Variants in OFD1 observed in about 807,000 individuals in gnomAD.
The protein encoded by OFD1 is centriole and centriolar satellite protein OFD1.
A neutral mutation model predicts 81.4 loss-of-function variants in OFD1; 12 were observed. That is an observed-to-expected ratio of 0.15 (90% confidence interval 0.09 to 0.24). OFD1 has a LOEUF of 0.24. OFD1 is among the 10% of genes least tolerant of loss of function. OFD1 has a pLI of 1.00. For missense variants in OFD1, 685 were observed against 733.9 expected (o/e 0.93, Z 0.77); for synonymous variants, 256 against 263.7 (o/e 0.97, Z 0.28).
Position 13,756,786 on chromosome X carries a change from T to C in OFD1, c.1411+19T>C. Reference sequence around the variant, plus strand: ...CTAAACCGTATGTATTTTTCTTTTCTTCTGACTTGCGTGTTTTAGTAATTC... The same window carrying C: ...CTAAACCGTATGTATTTTTCTTTTCCTCTGACTTGCGTGTTTTAGTAATTC... On this transcript the variant is annotated intron_variant, in intron 13 of 22. Transcript: ENST00000340096. The C allele has an allele frequency of 8.7e-7, 1 of 1,148,351 alleles. No homozygotes were observed. Among genetic ancestry groups the C allele is most frequent in the Non-Finnish European group, 1.2e-6 (1 of 837,387 alleles). 94.6% of individuals were successfully genotyped at this position (1,148,351 alleles called of 1,213,427 possible).
rs202080584 is a variant in OFD1, at chrX:13,769,155, G to A, written c.*47G>A. 3.1e-3 allele frequency: 3,038 copies of A among 994,007 alleles called. 5 individuals are homozygous for A. The highest frequency in any genetic ancestry group is 3.7e-3 in the Non-Finnish European group (2,590 of 699,023). The allele number at this position is 994,007 out of a possible 1,213,427, so 81.9% of individuals were successfully genotyped here. On this transcript the variant is annotated 3_prime_UTR_variant, in exon 23 of 23. Coordinates refer to ENST00000340096, the MANE Select transcript of OFD1 (RefSeq NM_003611.3). ...TAACTTACATACCGTGAGAAGTTACGTAACATTTACTCCTTTGTAAATGTT... is the reference window on the plus strand; with the variant it reads ...TAACTTACATACCGTGAGAAGTTACATAACATTTACTCCTTTGTAAATGTT...
chrX:13,717,772 T>C, the OFD1 span, among the ~76,000 whole-genome samples: 1 of 111,615 alleles, frequency 9.0e-6, no homozygotes, highest in African/African-American at 3.3e-5. Context: ...AAAGAATACC[T>C]GTTATGGGTT....
chrX:13,751,410 A>C (rs768091977), intron 10 of OFD1, 42 bp downstream of exon 10: 17 of 1,077,137 alleles, frequency 1.6e-5, no homozygotes, highest in Non-Finnish European at 2.2e-5. Context: ...TGTTTAAATT[A>C]AATTGGTAGA....
upstream of OFD1, chrX:13,734,464 C>T: frequency 4.5e-6 from 1 of 223,958 alleles, no homozygotes; most frequent in Non-Finnish European, 8.1e-6. Context: ...CACGCAGGGG[C>T]TACGAAGTCC....
At chrX:13,724,378 G>A in the OFD1 span, among the ~76,000 whole-genome samples, 1 of 100,532 alleles carries the variant, frequency 9.9e-6, no homozygotes, top group African/African-American at 3.7e-5. Flanking sequence ...CCTACAATGA[G>A]TTGAAGTGTG....
chrX:13,754,185 G>C (rs2047613061), intron 11 of OFD1, among the ~76,000 whole-genome samples: 1 of 110,915 alleles, frequency 9.0e-6, no homozygotes, highest in Non-Finnish European at 1.9e-5. Context: ...GTCTCAGCGT[G>C]TTAGCCAGGA....
intron 18 of OFD1, 45 bp from the exon 19 acceptor site, chrX:13,763,700 T>G: frequency 9.6e-7 from 1 of 1,039,151 alleles, no homozygotes; most frequent in Non-Finnish European, 1.4e-6. Context: ...TTCTTTGTCT[T>G]GGTGTTATTA....
rs778349684 is a variant in OFD1 at position 13,749,490 on chromosome X, G to A, written c.892G>A (p.Gly298Arg). 2.4e-5 allele frequency: 29 copies of A among 1,200,729 alleles called. No homozygotes were observed. The highest frequency in any genetic ancestry group is 3.3e-5 in the Non-Finnish European group (29 of 887,694). The change falls in exon 9 of 23, where the codon GGA (glycine) becomes AGA (arginine). Residue 298 changes from glycine (G) to arginine (R), a missense_variant. Coordinates refer to ENST00000340096, the MANE Select transcript of OFD1 (RefSeq NM_003611.3). ...ACTAAAAGATATGGATTTGCTAAGAGGAAGAGAAGCAGAGCTGAAGCAAAG... is the reference window on the plus strand; with the variant it reads ...ACTAAAAGATATGGATTTGCTAAGAAGAAGAGAAGCAGAGCTGAAGCAAAG... ...LLLKDMDLLR[G>R]REAELKQRVE...
the OFD1 span, chrX:13,715,913 C>T: frequency 8.4e-6 from 9 of 1,071,862 alleles, no homozygotes; most frequent in Non-Finnish European, 1.1e-5. Context: ...AGGTAAACTG[C>T]AGCCTAAGGG....
intron 5 of OFD1, among the ~76,000 whole-genome samples, chrX:13,741,595 C>T (rs2047107406): frequency 9.0e-6 from 1 of 111,703 alleles, no homozygotes; most frequent in South Asian, 3.7e-4. Flanking sequence ...GTGAAGAGAC[C>T]ACCAAACAGG....
chrX:13,737,252 G>GTTTT (rs373562457), intron 3 of OFD1, among the ~76,000 whole-genome samples: 10 of 98,802 alleles, frequency 1.0e-4, no homozygotes, highest in Admixed American at 3.3e-4. Flanking sequence ...AAAAACACTT[G>GTTTT]TTTTTTTTTT....
Position 13,760,189 on chromosome X carries a change from A to G in OFD1, c.1729A>G (p.Asn577Asp), listed in dbSNP as rs2047872993. 1 of 1,210,280 alleles carries G rather than the reference A, an allele frequency of 8.3e-7. No individual in the cohort carries two copies. Among genetic ancestry groups the G allele is most frequent in the Admixed American group, 2.2e-5 (1 of 45,825 alleles). Residue 577 changes from asparagine (N) to aspartate (D), a missense_variant, in exon 16 of 23, where the codon AAT becomes GAT. Transcript: ENST00000340096. ...TTCTGTCAATGGATTAATAAATGGC[A>G]ATGTGGTGCCTTGCAATGGTGAGAT... ...DRSVNGLING[N>D]VVPCNGEISG...
In OFD1 at chrX:13,747,792, G is replaced by A. The variant is rs149197502; in HGVS notation, c.828+839G>A. 3.6e-3 allele frequency among the ~76,000 whole-genome samples: 399 copies of A among 111,530 alleles called. 3 individuals are homozygous for A. The highest frequency in any genetic ancestry group is 0.011 in the African/African-American group (342 of 30,670). ...GAAATGAGCAAGGGTGAAGGTCCCTGGGGTAAAGGAGTCACCACAAGGGTC... is the reference window on the plus strand; with the variant it reads ...GAAATGAGCAAGGGTGAAGGTCCCTAGGGTAAAGGAGTCACCACAAGGGTC... On this transcript the variant is annotated intron_variant, in intron 8 of 22. Coordinates refer to ENST00000340096, the MANE Select transcript of OFD1 (RefSeq NM_003611.3).
chrX:13,754,409 C>T (rs1345716082), intron 11 of OFD1, among the ~76,000 whole-genome samples: 2 of 103,262 alleles, frequency 1.9e-5, no homozygotes, highest in African/African-American at 7.5e-5. Flanking sequence ...TGTGTGGCTA[C>T]TGTCTTTTTT....
intron 5 of OFD1, among the ~76,000 whole-genome samples, chrX:13,741,261 CTA>C (rs767877748): frequency 4.4e-5 from 5 of 112,567 alleles, no homozygotes; most frequent in Non-Finnish European, 9.4e-5. Context: ...GCCAGAAAAA[CTA>C]TGAGTAGCAG....
At position 13,734,787 on chromosome X, in the gene OFD1, C is replaced by G. The variant is rs1382367457; in HGVS notation, c.-285C>G. 8 of 1,069,550 alleles carry G rather than the reference C, an allele frequency of 7.5e-6. No individual in the cohort carries two copies. Among genetic ancestry groups the G allele is most frequent in the Middle Eastern group, 3.7e-4 (1 of 2,708 alleles). The allele number at this position is 1,069,550 out of a possible 1,213,427, so 88.1% of individuals were successfully genotyped here. A position where few individuals can be genotyped will look rare whatever the true frequency, so the allele number is the denominator to read the frequency against. On this transcript the variant is annotated 5_prime_UTR_variant, in exon 1 of 23. Transcript: ENST00000340096. ...GGTCCTGCCTCGCTGCCTTCAGTCC[C>G]TAGTGTCTGGGTCCCCGCCCTCCAG...
At chrX:13,748,401 T>G (rs1156577223) in intron 8 of OFD1, among the ~76,000 whole-genome samples, 1 of 112,354 alleles carries the variant, frequency 8.9e-6, no homozygotes, top group Non-Finnish European at 1.9e-5. Context: ...GGATGTCACC[T>G]GGGTGATGCC....
intron 10 of OFD1, chrX:13,753,021 T>C: frequency 1.1e-6 from 1 of 898,800 alleles, no homozygotes; most frequent in Non-Finnish European, 1.4e-6. Flanking sequence ...CATTTGGGAT[T>C]GAGTCTGTTG....
At chrX:13,739,440 CT>C (rs768370821) in intron 5 of OFD1, 1 of 134,341 alleles carries the variant, frequency 7.4e-6, no homozygotes, top group South Asian at 2.2e-4. Flanking sequence ...TGTTATATAT[CT>C]TTTGTTCTTA....
Sources: gnomAD v4.1 joint callset for allele counts (sites outside exome capture counted in the v4.1 genomes callset) on GRCh38, gnomAD v4.1.1 for gene constraint, MANE v1.5 for transcripts, NCBI Gene and HGNC (gene_info 2026-07-23, HGNC 2026-07-21) for gene names.